Variants in CLNK observed in about 807,000 individuals in gnomAD.
CLNK encodes the protein cytokine-dependent hematopoietic cell linker.
Under a neutral mutation model 68.6 loss-of-function variants are expected in CLNK, and 74 were observed. That is an observed-to-expected ratio of 1.08 (90% CI 0.89 to 1.31). The LOEUF (loss-of-function observed/expected upper bound fraction) is 1.31. CLNK is among the 50% of genes most tolerant of loss of function. The pLI, the probability that CLNK is intolerant of heterozygous loss-of-function variation, is 0.00. For missense variants in CLNK, 553 were observed against 515.3 expected, an observed-to-expected ratio of 1.07 and a Z score of -0.71; for synonymous variants, 198 against 172.2, an observed-to-expected ratio of 1.15 and a Z score of -1.17.
chr4:10,726,399 G>A, the CLNK span, among the ~76,000 whole-genome samples: 3 of 152,252 alleles, frequency 2.0e-5, no homozygotes, highest in South Asian at 2.1e-4. Flanking sequence ...GATTATAGGC[G>A]TGAGCCACCA....
In CLNK at chr4:10,501,397, C is replaced by T; in HGVS notation, c.999G>A (p.Leu333=). The T allele has an allele frequency of 6.2e-7, 1 of 1,609,162 alleles. No homozygotes were observed. Among genetic ancestry groups the T allele is most frequent in the Non-Finnish European group, 8.5e-7 (1 of 1,178,464 alleles). ...FMKENKDGSF[L]VRDCSTKSKE... is the part of the protein sequence containing the mutation. ...TGGATTTTGTGGAACAATCTCGGACCAAGAAACTACCATCCTGAAGCAAAA... is the reference window on the plus strand; with the variant it reads ...TGGATTTTGTGGAACAATCTCGGACTAAGAAACTACCATCCTGAAGCAAAA... Residue 333 remains leucine (L), a synonymous_variant, in exon 18 of 19, where the codon TTG becomes TTA. Transcript: ENST00000226951.
the CLNK span, among the ~76,000 whole-genome samples, chr4:10,717,351 T>A: frequency 6.6e-6 from 1 of 152,134 alleles, no homozygotes; most frequent in Non-Finnish European, 1.5e-5. Context: ...ATCCCAGCAC[T>A]TTGGGAGGCC....
chr4:10,638,998 C>T (rs1723207274), intron 2 of CLNK, among the ~76,000 whole-genome samples: 1 of 152,174 alleles, frequency 6.6e-6, no homozygotes, highest in Admixed American at 6.5e-5. Context: ...TCACATTCTG[C>T]GATGCTGGGG....
At chr4:10,614,147 A>G (rs1474690092) in intron 2 of CLNK, among the ~76,000 whole-genome samples, 1 of 152,196 alleles carries the variant, frequency 6.6e-6, no homozygotes, top group Non-Finnish European at 1.5e-5. Flanking sequence ...CAGTAAATGT[A>G]GTGATTAAAT....
rs34091285 is a variant in CLNK, at chr4:10,676,046, AGTGTGTGT to A, written c.-42-8143_-42-8136del. The stretch of plus-strand genomic sequence containing the variant: ...TATATTTGGAGAAGAGAGCCAGAAG[AGTGTGTGT>A]GTGTGTGTGTGTGTGTGTGTGTGTC... On this transcript the variant is annotated intron_variant, in intron 1 of 18. Transcript: ENST00000226951. 2.2e-3 allele frequency among the ~76,000 whole-genome samples: 323 copies of A among 148,816 alleles called. 2 individuals are homozygous for A. The highest frequency in any genetic ancestry group is 6.9e-3 in the South Asian group (32 of 4,624).
intron 11 of CLNK, among the ~76,000 whole-genome samples, chr4:10,533,827 T>A (rs985904936): frequency 1.3e-4 from 20 of 152,228 alleles, no homozygotes; most frequent in Non-Finnish European, 2.6e-4. Context: ...GATGTGTTTG[T>A]CTCCATTTTA....
At chr4:10,594,937 A>G (rs2108843467) in intron 3 of CLNK, among the ~76,000 whole-genome samples, 1 of 152,252 alleles carries the variant, frequency 6.6e-6, no homozygotes, top group African/African-American at 2.4e-5. Flanking sequence ...TCTACTAAAA[A>G]TTCAAAATTA....
At chr4:10,614,193 G>T (rs917527748) in intron 2 of CLNK, among the ~76,000 whole-genome samples, 1 of 152,234 alleles carries the variant, frequency 6.6e-6, no homozygotes, top group Non-Finnish European at 1.5e-5. Flanking sequence ...TGAGATGTCT[G>T]CATGGAGCCT....
intron 2 of CLNK, among the ~76,000 whole-genome samples, chr4:10,634,086 C>T (rs981608236): frequency 7.2e-5 from 11 of 152,162 alleles, no homozygotes; most frequent in African/African-American, 2.4e-4. Context: ...TTCCCTTTGT[C>T]ATCATGTTGA....
Position 10,645,078 on chromosome 4 carries a change from T to C in CLNK, c.11+22781A>G, listed in dbSNP as rs186812967. ...ACATTTATGGGTTGACCTGGAGTCA[T>C]TAAAGGAAGTGGGGTGAATAGTGAA... On this transcript the variant is annotated intron_variant, in intron 2 of 18. Coordinates refer to ENST00000226951, the MANE Select transcript of CLNK (RefSeq NM_052964.4). 2.3e-3 allele frequency among the ~76,000 whole-genome samples: 350 copies of C among 152,300 alleles called. 1 individual carries two copies. Among genetic ancestry groups the C allele is most frequent in the Non-Finnish European group, 3.5e-3 (240 of 68,032 alleles).
the CLNK span, among the ~76,000 whole-genome samples, chr4:10,699,626 C>T: frequency 6.7e-6 from 1 of 150,142 alleles, no homozygotes. Flanking sequence ...AATTGTCCTG[C>T]CTCAGCCTCC....
At chr4:10,574,209 T>C (rs954008364) in intron 4 of CLNK, among the ~76,000 whole-genome samples, 1 of 152,178 alleles carries the variant, frequency 6.6e-6, no homozygotes, top group Non-Finnish European at 1.5e-5. Flanking sequence ...AGGTGCCCTG[T>C]GTGGCCCCCA....
At chr4:10,507,848 G>T in intron 17 of CLNK, 111 bp downstream of exon 17, 2 of 761,196 alleles carry the variant, frequency 2.6e-6, no homozygotes, top group Non-Finnish European at 4.3e-6. Flanking sequence ...GCAGGGTGAT[G>T]CAGGAAATAA....
intron 15 of CLNK, among the ~76,000 whole-genome samples, chr4:10,517,926 G>A (rs1717902957): frequency 6.6e-6 from 1 of 152,088 alleles, no homozygotes; most frequent in African/African-American, 2.4e-5. Context: ...ATGAATGAAT[G>A]AAAGAAATTC....
chr4:10,679,321 A>G (rs999007450), intron 1 of CLNK, among the ~76,000 whole-genome samples: 2 of 152,222 alleles, frequency 1.3e-5, no homozygotes, highest in Admixed American at 6.5e-5. Flanking sequence ...ATATGTAGAA[A>G]GCTGAAACTG....
At chr4:10,619,752 T>A (rs1429424436) in intron 2 of CLNK, among the ~76,000 whole-genome samples, 1 of 152,196 alleles carries the variant, frequency 6.6e-6, no homozygotes, top group East Asian at 1.9e-4. Flanking sequence ...TGCTATGTGA[T>A]CCACACAGGC....
Position 10,522,572 on chromosome 4 carries a change from C to CAAA in CLNK, c.732-1744_732-1742dup, listed in dbSNP as rs58663693. Among the ~76,000 whole-genome samples, 352 of 116,312 alleles carry CAAA rather than the reference C, an allele frequency of 3.0e-3. 5 individuals carry two copies. The highest frequency in any genetic ancestry group is 0.01 in the African/African-American group (314 of 30,240). The allele number at this position is 116,312 out of a possible 152,430, so 76.3% of individuals were successfully genotyped here. On this transcript the variant is annotated intron_variant, in intron 14 of 18. Coordinates refer to ENST00000226951, the MANE Select transcript of CLNK (RefSeq NM_052964.4). ...CTGGGCAACAAGAGTGAAACTCTCTCAAAAAAAAAAAAAAAAAAGAAAGAA... is the reference window on the plus strand; with the variant it reads ...CTGGGCAACAAGAGTGAAACTCTCTCAAAAAAAAAAAAAAAAAAAAAGAAAGAA...
chr4:10,707,547 T>A, the CLNK span, among the ~76,000 whole-genome samples: 3 of 152,234 alleles, frequency 2.0e-5, no homozygotes, highest in Non-Finnish European at 4.4e-5. Context: ...ACCTTCCATG[T>A]ATTAATTTAT....
chr4:10,636,249 T>G (rs1367516637), intron 2 of CLNK, among the ~76,000 whole-genome samples: 2 of 152,186 alleles, frequency 1.3e-5, no homozygotes, highest in Non-Finnish European at 2.9e-5. Context: ...GGTGGGTCTT[T>G]AATCCAATAT....
Sources: allele counts gnomAD v4.1 joint callset (sites outside exome capture counted in the v4.1 genomes callset), GRCh38; gene constraint gnomAD v4.1.1; transcripts MANE v1.5; gene names NCBI Gene and HGNC (gene_info 2026-07-23, HGNC 2026-07-21).